Variants in CERK observed in about 807,000 individuals in gnomAD.
CERK encodes acylsphingosine kinase.
Under a neutral mutation model 63.4 loss-of-function variants are expected in CERK, and 39 were observed. The observed-to-expected ratio is 0.61, with a 90% CI of 0.48 to 0.80. The LOEUF (loss-of-function observed/expected upper bound fraction) is 0.80, where lower values mean the gene tolerates loss of function less well. Among genes scored for constraint, CERK ranks in the 30% least tolerant of loss-of-function variants. The probability of loss-of-function intolerance (pLI) is 0.00; values close to 1 mark genes in which losing one functional copy is unlikely to be tolerated. For missense variants in CERK, 670 were observed against 714.1 expected (o/e 0.94, Z 0.70); for synonymous variants, 302 against 280.0 (o/e 1.08, Z -0.78).
Position 46,738,175 on chromosome 22 carries a change from C to T in CERK, c.-27G>A. The T allele has an allele frequency of 8.8e-7, 1 of 1,134,830 alleles. No homozygotes were observed. Among genetic ancestry groups the T allele is most frequent in the Admixed American group, 5.0e-5 (1 of 19,892 alleles). 70.3% of individuals were successfully genotyped at this position (1,134,830 alleles called of 1,614,324 possible). ...TCCGCCGCCGGGCTCGTCCGCCAGG[C>T]TGGGGGCGCGCGGACGCCGAGGGGC... On this transcript the variant is annotated 5_prime_UTR_variant, in exon 1 of 13. Coordinates refer to ENST00000216264, the MANE Select transcript of CERK (RefSeq NM_022766.6).
intron 11 of CERK, among the ~76,000 whole-genome samples, chr22:46,690,934 CATGTGTGTGTATATGTATGTATGT>C (rs891823744): frequency 2.0e-5 from 3 of 151,978 alleles, no homozygotes; most frequent in South Asian, 2.1e-4. Flanking sequence ...TGCTCAAATA[CATGTGTGTGTATATGTATGTATGT>C]ATGTGTGTGT....
At chr22:46,730,772 T>C (rs764702293) in intron 1 of CERK, among the ~76,000 whole-genome samples, 2 of 152,174 alleles carry the variant, frequency 1.3e-5, no homozygotes, top group Non-Finnish European at 2.9e-5. Context: ...GGGCCTGGGA[T>C]CTGAGAAAGA....
intron 1 of CERK, among the ~76,000 whole-genome samples, chr22:46,730,766 C>T (rs1388236882): frequency 6.6e-6 from 1 of 152,158 alleles, no homozygotes; most frequent in Non-Finnish European, 1.5e-5. Flanking sequence ...TGTTCAGGGC[C>T]TGGGATCTGA....
At chr22:46,729,912 G>T (rs1384531239) in intron 1 of CERK, among the ~76,000 whole-genome samples, 1 of 150,962 alleles carries the variant, frequency 6.6e-6, no homozygotes, top group East Asian at 2.0e-4. Context: ...GGTGGCAGGC[G>T]CCTGTAGTCC....
chr22:46,691,885 G>A, intron 10 of CERK, 108 bp from the exon 11 acceptor site: 1 of 752,884 alleles, frequency 1.3e-6, no homozygotes, highest in East Asian at 2.7e-5. Flanking sequence ...CATGCATTTA[G>A]CAGACACTTC....
intron 8 of CERK, among the ~76,000 whole-genome samples, chr22:46,698,889 A>C (rs2082769332): frequency 6.6e-6 from 1 of 152,240 alleles, no homozygotes; most frequent in Non-Finnish European, 1.5e-5. Flanking sequence ...TGACGGAGGA[A>C]GACTGTGTCT....
Position 46,712,299 on chromosome 22 carries a change from A to C in CERK, c.380-6T>G, listed in dbSNP as rs766489515. 1.9e-6 allele frequency: 3 copies of C among 1,612,604 alleles called. No individual in the cohort carries two copies. Among genetic ancestry groups the C allele is most frequent in the Non-Finnish European group, 2.5e-6 (3 of 1,179,386 alleles). ...TAAATGCTTTGGTCTGGACGCTGTA[A>C]GACAACAACATGTAAATAACAACGA... On this transcript the variant is annotated splice_region_variant and splice_polypyrimidine_tract_variant and intron_variant, in intron 3 of 12. Transcript: ENST00000216264.
rs375554015 is a variant in CERK at position 46,711,153 on chromosome 22, T to G, written c.506-4A>C. On this transcript the variant is annotated splice_polypyrimidine_tract_variant and splice_region_variant and intron_variant, in intron 4 of 12. Transcript: ENST00000216264. The stretch of plus-strand genomic sequence containing the variant: ...GCCTGATTAGCATGTTCAGTAACTG[T>G]GGGGAAAAATTACATCACACAGTTT... 2 of 1,610,660 alleles carry G rather than the reference T, an allele frequency of 1.2e-6. No homozygotes were observed. Among genetic ancestry groups the G allele is most frequent in the Non-Finnish European group, 1.7e-6 (2 of 1,176,850 alleles).
rs1555989630 is a variant in CERK, at chr22:46,730,039, A to AAAGC, written c.142+7967_142+7968insGCTT. ...GGGTGACAGATCGAGACTCCATCTC[A>AAAGC]AAACAAACAAACAAACAAACAAACA... is the stretch of plus-strand genomic sequence containing the variant. On this transcript the variant is annotated intron_variant, in intron 1 of 12. Coordinates refer to ENST00000216264, the MANE Select transcript of CERK (RefSeq NM_022766.6). 2.7e-5 allele frequency among the ~76,000 whole-genome samples: 4 copies of AAAGC among 150,348 alleles called. No individual in the cohort carries two copies. In the East Asian group the frequency reaches 7.9e-4, roughly 30 times the overall value.
chr22:46,697,857 G>A (rs980187800), intron 8 of CERK, among the ~76,000 whole-genome samples: 6 of 152,194 alleles, frequency 3.9e-5, no homozygotes, highest in African/African-American at 1.4e-4. Flanking sequence ...AGCTGGTGAC[G>A]TCGCACCCAC....
At chr22:46,727,455 T>C (rs904314863) in intron 1 of CERK, among the ~76,000 whole-genome samples, 1 of 150,988 alleles carries the variant, frequency 6.6e-6, no homozygotes, top group Non-Finnish European at 1.5e-5. Flanking sequence ...GTTTCTTTTT[T>C]TTTTTTTTTT....
Position 46,720,922 on chromosome 22 carries a change from T to C in CERK, c.236A>G (p.Glu79Gly), listed in dbSNP as rs1240788944. The C allele has an allele frequency of 6.2e-7, 1 of 1,610,680 alleles. No homozygotes were observed. Among genetic ancestry groups the C allele is most frequent in the Non-Finnish European group, 8.5e-7 (1 of 1,177,000 alleles). The change falls in exon 2 of 13, where the codon GAA (glutamate) becomes GGA (glycine). Residue 79 changes from glutamate (E) to glycine (G), a missense_variant. By Grantham distance (98) the Glu-to-Gly change is moderately conservative (BLOSUM62 -2). Transcript: ENST00000216264. ...HQGSGKWQKM[E>G]KPYAFTVHCV... is the part of the protein sequence containing the mutation. ...ATCACCTGTAAAAGCGTAAGGCTTT[T>C]CCATTTTCTGCCATTTTCCACTGCC...
chr22:46,717,176 G>A (rs2082870755), intron 3 of CERK, among the ~76,000 whole-genome samples: 1 of 152,228 alleles, frequency 6.6e-6, no homozygotes, highest in Non-Finnish European at 1.5e-5. Context: ...AAGATGTGGG[G>A]CAACCAGAAC....
chr22:46,693,339 G>T, intron 10 of CERK, 88 bp downstream of exon 10: 1 of 1,047,472 alleles, frequency 9.5e-7, no homozygotes, highest in Admixed American at 1.7e-5. Flanking sequence ...CAGGTGGGCA[G>T]GGAGAAGAGG....
Position 46,731,565 on chromosome 22 carries a change from T to C in CERK, c.142+6442A>G, listed in dbSNP as rs1471515212. Among the ~76,000 whole-genome samples, 5 of 152,194 alleles carry C rather than the reference T, an allele frequency of 3.3e-5. No homozygotes were observed. In the East Asian group the frequency reaches 7.7e-4, roughly 23 times the overall value. On this transcript the variant is annotated intron_variant, in intron 1 of 12. Coordinates refer to ENST00000216264, the MANE Select transcript of CERK (RefSeq NM_022766.6). Reference sequence around the variant, plus strand: ...AACGCTGCCCAGTCTTGGAACATACTGCAAAATAACCAGTGCTAGGTGAGT... The same window carrying C: ...AACGCTGCCCAGTCTTGGAACATACCGCAAAATAACCAGTGCTAGGTGAGT...
intron 5 of CERK, among the ~76,000 whole-genome samples, chr22:46,708,384 T>A (rs2082824212): frequency 6.6e-6 from 1 of 152,240 alleles, no homozygotes; most frequent in Admixed American, 6.5e-5. Context: ...TGACCCGCAC[T>A]GCGGGAGAGG....
intron 6 of CERK, among the ~76,000 whole-genome samples, chr22:46,703,615 G>A (rs1000357224): frequency 2.6e-5 from 4 of 152,178 alleles, no homozygotes; most frequent in African/African-American, 9.7e-5. Context: ...AGGCGATGCT[G>A]CGGAGCAGAG....
At chr22:46,724,447 G>T (rs1163460380) in intron 1 of CERK, among the ~76,000 whole-genome samples, 1 of 152,182 alleles carries the variant, frequency 6.6e-6, no homozygotes, top group Non-Finnish European at 1.5e-5. Flanking sequence ...ACTGGGTGCG[G>T]CTCAGGACAA....
rs1376175199 is a variant in CERK, at chr22:46,684,966, G to T, written c.*2168C>A. 1 of 152,212 alleles carries T rather than the reference G, an allele frequency of 6.6e-6. No homozygotes were observed. Among genetic ancestry groups the T allele is most frequent in the African/African-American group, 2.4e-5 (1 of 41,458 alleles). The allele number at this position is 152,212 out of a possible 1,614,324, so 9.4% of individuals were successfully genotyped here. On this transcript the variant is annotated 3_prime_UTR_variant, in exon 13 of 13. Coordinates refer to ENST00000216264, the MANE Select transcript of CERK (RefSeq NM_022766.6). ...ACTCAGGAACCAGCCATGCGGAATG[G>T]CTGGGTTTCTTATTGAACATGAAAT...
Sources: gnomAD v4.1 joint callset for allele counts (sites outside exome capture counted in the v4.1 genomes callset) on GRCh38, gnomAD v4.1.1 for gene constraint, MANE v1.5 for transcripts, NCBI Gene and HGNC (gene_info 2026-07-23, HGNC 2026-07-21) for gene names.